Variants in TTN observed in about 807,000 individuals in gnomAD.
TTN encodes the protein titin, also known as connectin.
TTN carries 1,525 observed loss-of-function variants against 3,223.0 expected under a neutral mutation model. The ratio of observed to expected loss-of-function variants is 0.47; its 90% CI spans 0.45 to 0.49. The LOEUF (loss-of-function observed/expected upper bound fraction) is 0.49, where lower values mean the gene tolerates loss of function less well. Among genes scored for constraint, TTN ranks in the 20% least tolerant of loss-of-function variants. The pLI is 0.00. For synonymous variants in TTN, 14,094 were observed against 15,161.0 expected, an observed-to-expected ratio of 0.93 and a Z score of 5.17; for missense variants, 40,786 against 43,424.0, an observed-to-expected ratio of 0.94 and a Z score of 5.40.
intron 45 of TTN, 56 bp downstream of exon 45, chr2:178,757,486 A>T: frequency 6.7e-7 from 1 of 1,487,876 alleles, no homozygotes; most frequent in Admixed American, 2.3e-5. Flanking sequence ...CATTAGTAAC[A>T]GTGGGACTGA....
chr2:178,634,381 G>A lies in TTN; in HGVS notation c.42400C>T (p.Arg14134Trp), dbSNP rs753341792. 2.7e-5 allele frequency: 43 copies of A among 1,607,728 alleles called. No individual in the cohort carries two copies. The highest frequency in any genetic ancestry group is 1.5e-4 in the Admixed American group (9 of 58,308). ...AEVEGKKTSARLFVTGIRLKF... is the reference protein window; with the variant it reads ...AEVEGKKTSAWLFVTGIRLKF... ...GCTCGCTTACCTGTGACAAACAACCGAGCTGAGGTCTTCTTGCCCTCCACC... is the reference window on the plus strand; with the variant it reads ...GCTCGCTTACCTGTGACAAACAACCAAGCTGAGGTCTTCTTGCCCTCCACC... The change falls in exon 230 of 363, where the codon CGG becomes TGG. Residue 14134 changes from arginine to tryptophan, a missense_variant. By Grantham distance (101) the Arg-to-Trp change is moderately radical. Coordinates refer to ENST00000589042, the MANE Select transcript of TTN (RefSeq NM_001267550.2). The surrounding 1 kb of genome is among the most constrained non-coding windows in gnomAD (Gnocchi z 4.6).
At position 178,563,088 on chromosome 2, in the gene TTN, TGAG is replaced by T; in HGVS notation, c.83041_83043del (p.Leu27681del). 6.2e-7 allele frequency: 1 copy of T among 1,613,708 alleles called. No individual in the cohort carries two copies. Among genetic ancestry groups the T allele is most frequent in the Non-Finnish European group, 8.5e-7 (1 of 1,179,678 alleles). ...CTTGCACGCAGAACGACCACCTTTC[TGAG>T]ATCAGCATCGAGTTCTATTTCTGGT... is the stretch of plus-strand genomic sequence containing the variant. On this transcript the variant is annotated inframe_deletion, in exon 326 of 363. Transcript: ENST00000589042. This position sits in a 1 kb window ranked among gnomAD's most constrained non-coding sequence, Gnocchi z 4.5.
At chr2:178,765,815 G>A (rs1190251634) in intron 41 of TTN, among the ~76,000 whole-genome samples, 6 of 152,158 alleles carry the variant, frequency 3.9e-5, no homozygotes, top group Non-Finnish European at 8.8e-5. Flanking sequence ...GCACTTCCCT[G>A]GGGACTGCTC....
At position 178,684,000 on chromosome 2, in the gene TTN, T is replaced by C. The variant is rs781367977; in HGVS notation, c.32805A>G (p.Lys10935=). The C allele has an allele frequency of 1.2e-6, 2 of 1,600,256 alleles. No homozygotes were observed. Among genetic ancestry groups the C allele is most frequent in the Non-Finnish European group, 1.7e-6 (2 of 1,174,722 alleles). The part of the protein sequence containing the change: ...KPKREEEPPA[K]VTEFRKRVVK... ...TTTTTTTTTTAAGAGTCAGTATACC[T>C]TTAGCTGGTGGTTCCTCCTCTCTTT... The change falls in exon 133 of 363, where the codon AAA becomes AAG. Residue 10935 remains lysine, a splice_region_variant and synonymous_variant. Coordinates refer to ENST00000589042, the MANE Select transcript of TTN (RefSeq NM_001267550.2).
rs1698774986 is a variant in TTN at position 178,550,174 on chromosome 2, A to G, written c.91664T>C (p.Val30555Ala). Residue 30555 changes from valine (V) to alanine (A), a missense_variant, in exon 337 of 363, where the codon GTG becomes GCG. Transcript: ENST00000589042. The part of the protein sequence containing the change: ...RIKALVQGRP[V>A]PRVTWFKDGV... ...ATCTTTGAACCAAGTTACTCGAGGCACTGGTCTTCCTTGTACCAAAGCTTT... is the reference window on the plus strand; with the variant it reads ...ATCTTTGAACCAAGTTACTCGAGGCGCTGGTCTTCCTTGTACCAAAGCTTT... 1.2e-6 allele frequency: 2 copies of G among 1,613,784 alleles called. No individual in the cohort carries two copies. Among genetic ancestry groups the G allele is most frequent in the Non-Finnish European group, 1.7e-6 (2 of 1,179,744 alleles).
In TTN at chr2:178,722,025, G is replaced by A; in HGVS notation, c.22638C>T (p.Ile7546=). The part of the protein sequence containing the change: ...CHVTGAQPMR[I]TWSKDNKEIR... ...TCTCCTTGTTATCTTTTGACCAAGTGATTCGCATCGGTTGAGCACCAGTAA... is the reference window on the plus strand; with the variant it reads ...TCTCCTTGTTATCTTTTGACCAAGTAATTCGCATCGGTTGAGCACCAGTAA... Residue 7546 remains isoleucine, a synonymous_variant, in exon 78 of 363, where the codon ATC becomes ATT. Coordinates refer to ENST00000589042, the MANE Select transcript of TTN (RefSeq NM_001267550.2). 7 of 1,613,492 alleles carry A rather than the reference G, an allele frequency of 4.3e-6. No homozygotes were observed. Among genetic ancestry groups the A allele is most frequent in the Non-Finnish European group, 5.9e-6 (7 of 1,179,562 alleles).
chr2:178,675,815 C>T, intron 148 of TTN, 61 bp from the exon 149 acceptor site: 1 of 1,525,516 alleles, frequency 6.6e-7, no homozygotes, highest in Non-Finnish European at 8.9e-7. Context: ...CAAGTAGACA[C>T]AGCAGTAATA....
At chr2:178,628,483 G>A (rs895948189) in intron 240 of TTN, among the ~76,000 whole-genome samples, 8 of 152,042 alleles carry the variant, frequency 5.3e-5, no homozygotes, top group African/African-American at 1.9e-4. Flanking sequence ...ATTAATGATG[G>A]ATTGTCAAGA....
At position 178,731,722 on chromosome 2, in the gene TTN, C is replaced by T; in HGVS notation, c.17153G>A (p.Ser5718Asn). ...TAAAGTCACCCTGGCACTGCAGATGCTGCTGCCCACCTCATTGGTCACCCG... is the reference window on the plus strand; with the variant it reads ...TAAAGTCACCCTGGCACTGCAGATGTTGCTGCCCACCTCATTGGTCACCCG... ...QCRVTNEVGS[S>N]ICSARVTLRE... Residue 5718 changes from serine to asparagine, a missense_variant, in exon 58 of 363, where the codon AGC (serine) becomes AAC (asparagine). Ser to Asn is a conservative substitution (Grantham distance 46). Transcript: ENST00000589042. 6.2e-7 allele frequency: 1 copy of T among 1,612,884 alleles called. No homozygotes were observed. The highest frequency in any genetic ancestry group is 8.5e-7 in the Non-Finnish European group (1 of 1,179,072).
chr2:178,723,916 T>A lies in TTN; in HGVS notation c.21343A>T (p.Thr7115Ser). 6.2e-7 allele frequency: 1 copy of A among 1,613,498 alleles called. No homozygotes were observed. Among genetic ancestry groups the A allele is most frequent in the Non-Finnish European group, 8.5e-7 (1 of 1,179,544 alleles). ...SLDSSDMGNY[T>S]CVAANVAGSD... ...CCAGCGACATTAGCAGCCACGCATG[T>A]GTAATTGCCCATATCTGAGGAATCC... is the stretch of plus-strand genomic sequence containing the variant. Residue 7115 changes from threonine (T) to serine (S), a missense_variant, in exon 73 of 363, where the codon ACA becomes TCA. Physicochemically the swap from Thr to Ser is moderately conservative, Grantham distance 58. Transcript: ENST00000589042.
At position 178,704,557 on chromosome 2, in the gene TTN, C is replaced by G; in HGVS notation, c.29915G>C (p.Arg9972Pro). The G allele has an allele frequency of 6.2e-7, 1 of 1,613,402 alleles. No individual in the cohort carries two copies. The highest frequency in any genetic ancestry group is 1.3e-5 in the African/African-American group (1 of 75,030). The change falls in exon 105 of 363, where the codon CGA becomes CCA. Residue 9972 changes from arginine to proline, a missense_variant. Transcript: ENST00000589042. ...AGCGATGTGTGGACCACAAACCAAT[C>G]GATAATTGCCCTGGTCTTTAAGTTG... Reference protein sequence around the residue: ...NCQLKDQGNYRLVCGPHIASA... With the variant: ...NCQLKDQGNYPLVCGPHIASA...
At position 178,528,905 on chromosome 2, in the gene TTN, T is replaced by C; in HGVS notation, c.106846A>G (p.Met35616Val). Residue 35616 changes from methionine (M) to valine (V), a missense_variant, in exon 360 of 363, where the codon ATG becomes GTG. Coordinates refer to ENST00000589042, the MANE Select transcript of TTN (RefSeq NM_001267550.2). ...HAEIKAFSTQ[M>V]SINEGQRLVL... ...AGTCTTTGACCTTCGTTTATGCTCA[T>C]CTGAGTAGAAAATGCTTTAATCTCA... is the stretch of plus-strand genomic sequence containing the variant. The C allele has an allele frequency of 1.2e-6, 2 of 1,614,042 alleles. No individual in the cohort carries two copies. The highest frequency in any genetic ancestry group is 2.2e-5 in the South Asian group (2 of 91,088).
chr2:178,749,096 T>G, intron 47 of TTN: 1 of 1,612,906 alleles, frequency 6.2e-7, no homozygotes, highest in Non-Finnish European at 8.5e-7. Context: ...GGCAGATGAA[T>G]CTTTTGTATT....
At position 178,615,326 on chromosome 2, in the gene TTN, C is replaced by G. The variant is rs1372711773; in HGVS notation, c.48619G>C (p.Glu16207Gln). 1.2e-6 allele frequency: 2 copies of G among 1,612,388 alleles called. No individual in the cohort carries two copies. The highest frequency in any genetic ancestry group is 2.2e-5 in the East Asian group (1 of 44,682). Reference protein sequence around the residue: ...RGSDKWVACGEPVAETKMEVT... With the variant: ...RGSDKWVACGQPVAETKMEVT... ...ACCTACTTTGTTTCTGCAACAGGTT[C>G]TCCACAGGCAACCCATTTATCAGAA... The change falls in exon 259 of 363, where the codon GAA becomes CAA. Residue 16207 changes from glutamate to glutamine, a missense_variant. Coordinates refer to ENST00000589042, the MANE Select transcript of TTN (RefSeq NM_001267550.2).
intron 32 of TTN, 38 bp from the exon 33 acceptor site, chr2:178,773,407 C>T (rs1408670004): frequency 6.2e-7 from 1 of 1,613,880 alleles, no homozygotes; most frequent in Admixed American, 1.7e-5. Flanking sequence ...GTTATTGTTA[C>T]ACTGGGAAAG....
At chr2:178,630,000 A>G (rs1446841447) in intron 239 of TTN, among the ~76,000 whole-genome samples, 2 of 152,084 alleles carry the variant, frequency 1.3e-5, no homozygotes, top group African/African-American at 4.8e-5. Context: ...AGGACTACAG[A>G]GCAGGAAAAT....
At position 178,632,556 on chromosome 2, in the gene TTN, T is replaced by C. The variant is rs762264832; in HGVS notation, c.43450A>G (p.Lys14484Glu). The change falls in exon 235 of 363, where the codon AAG becomes GAG. Residue 14484 changes from lysine to glutamate, a missense_variant. Lys to Glu is a moderately conservative substitution (Grantham distance 56). Transcript: ENST00000589042. Reference sequence around the variant, plus strand: ...ATGATCAGTTTGCCACTTGTGTGCTTATCTTCAGCTTCAAACATGTATTTT... The same window carrying C: ...ATGATCAGTTTGCCACTTGTGTGCTCATCTTCAGCTTCAAACATGTATTTT... ...EAKYMFEAEDKHTSGKLIIEG... is the reference protein window; with the variant it reads ...EAKYMFEAEDEHTSGKLIIEG... 6.2e-6 allele frequency: 10 copies of C among 1,613,254 alleles called. No homozygotes were observed. Among genetic ancestry groups the C allele is most frequent in the African/African-American group, 4.0e-5 (3 of 74,898 alleles).
chr2:178,675,645 CAT>C, intron 149 of TTN, 24 bp downstream of exon 149: 1 of 1,387,100 alleles, frequency 7.2e-7, no homozygotes, highest in Non-Finnish European at 9.3e-7. Context: ...GTGCAGCAAA[CAT>C]ATCCCTGTTA....
chr2:178,552,689 C>A lies in TTN; in HGVS notation c.90211G>T (p.Gly30071Cys). The stretch of plus-strand genomic sequence containing the variant: ...TGGGACCACGTCTGTTCACCTTTAC[C>A]TTTCCTTTCTACAACATATTCTGTG... ...VITEYVVERK[G>C]KGEQTWSHAG... The change falls in exon 335 of 363, where the codon GGT (glycine) becomes TGT (cysteine). Residue 30071 changes from glycine to cysteine, a missense_variant. Transcript: ENST00000589042. 6.2e-7 allele frequency: 1 copy of A among 1,613,908 alleles called. No individual in the cohort carries two copies. The highest frequency in any genetic ancestry group is 8.5e-7 in the Non-Finnish European group (1 of 1,179,826).
Sources: allele counts gnomAD v4.1 joint callset (sites outside exome capture counted in the v4.1 genomes callset), GRCh38; gene constraint gnomAD v4.1.1; non-coding constraint Gnocchi (gnomAD v3.1); transcripts MANE v1.5; gene names NCBI Gene and HGNC (gene_info 2026-07-23, HGNC 2026-07-21).